Variants in ARL15 observed in about 807,000 individuals in gnomAD.
The protein encoded by ARL15 is ADP-ribosylation factor-like protein 15.
In ARL15, 19 loss-of-function variants were observed where a neutral mutation model predicts 25.2. The observed-to-expected ratio is 0.75, with a 90% CI of 0.53 to 1.10. The LOEUF (loss-of-function observed/expected upper bound fraction) is 1.10. Ranked by LOEUF, ARL15 falls within the 50% of genes least tolerant of loss-of-function variation. ARL15 has a pLI of 0.00. For missense variants in ARL15, 220 were observed against 246.0 expected, an observed-to-expected ratio of 0.89 and a Z score of 0.71; for synonymous variants, 94 against 86.8, an observed-to-expected ratio of 1.08 and a Z score of -0.46.
chr5:53,928,743 T>C, intron 4 of ARL15, among the ~76,000 whole-genome samples: 1 of 152,204 alleles, frequency 6.6e-6, no homozygotes, highest in East Asian at 1.9e-4. Flanking sequence ...GGTGATTGGT[T>C]CAAGAATATT....
intron 4 of ARL15, among the ~76,000 whole-genome samples, chr5:54,044,436 T>C (rs1430481863): frequency 1.3e-5 from 2 of 151,950 alleles, no homozygotes; most frequent in Admixed American, 6.6e-5. Flanking sequence ...GTACAGATGG[T>C]ATTTCGCCAC....
At chr5:54,119,025 G>A (rs1018489263) in intron 3 of ARL15, among the ~76,000 whole-genome samples, 1 of 152,082 alleles carries the variant, frequency 6.6e-6, no homozygotes, top group Non-Finnish European at 1.5e-5. Context: ...CAATTGCATT[G>A]AGGACCATGT....
intron 4 of ARL15, among the ~76,000 whole-genome samples, chr5:54,066,269 T>C (rs1751228175): frequency 6.6e-6 from 1 of 152,152 alleles, no homozygotes; most frequent in South Asian, 2.1e-4. Context: ...GGAAAAGAAT[T>C]CACGAGCGAC....
intron 4 of ARL15, among the ~76,000 whole-genome samples, chr5:54,081,666 A>G (rs1045483037): frequency 1.2e-4 from 18 of 152,142 alleles, no homozygotes; most frequent in Admixed American, 1.1e-3. Flanking sequence ...CTTGTGAAGA[A>G]GGTGCCTTGC....
rs1303592910 is a variant in ARL15 at position 54,180,194 on chromosome 5, C to G, written c.49-8266G>C. On this transcript the variant is annotated intron_variant, in intron 1 of 4. Coordinates refer to ENST00000504924, the MANE Select transcript of ARL15 (RefSeq NM_019087.3). ...ATCTCAATAAAGTAAAATAAATAAG[C>G]AAATACTAAATAAAATATGTTGGAG... Among the ~76,000 whole-genome samples, 4 of 151,602 alleles carry G rather than the reference C, an allele frequency of 2.6e-5. 1 individual carries two copies. The South Asian group carries it at 8.4e-4, about 32-fold the overall frequency.
chr5:53,897,131 C>T (rs180904224), intron 4 of ARL15, among the ~76,000 whole-genome samples: 4 of 152,160 alleles, frequency 2.6e-5, no homozygotes, highest in African/African-American at 4.8e-5. Context: ...TGAAAGCATA[C>T]GATTCAGTTG....
chr5:53,991,262 C>A (rs756378878), intron 4 of ARL15, among the ~76,000 whole-genome samples: 13 of 152,012 alleles, frequency 8.6e-5, no homozygotes, highest in Non-Finnish European at 1.5e-4. Context: ...TTGAAGCAGG[C>A]CATGTACGGT....
At chr5:54,184,469 AAG>A (rs1476748933) in intron 1 of ARL15, among the ~76,000 whole-genome samples, 10 of 124,846 alleles carry the variant, frequency 8.0e-5, no homozygotes, top group Non-Finnish European at 1.0e-4. Flanking sequence ...AAAAAAAAAA[AAG>A]AGAGAGAGAG....
At chr5:54,262,779 T>C (rs1415597240) in intron 1 of ARL15, among the ~76,000 whole-genome samples, 5 of 152,204 alleles carry the variant, frequency 3.3e-5, no homozygotes, top group South Asian at 2.1e-4. Context: ...AATTCACTTA[T>C]TTTTTCCCCA....
chr5:54,006,416 A>G (rs1749045603), intron 4 of ARL15, among the ~76,000 whole-genome samples: 1 of 145,410 alleles, frequency 6.9e-6, no homozygotes, highest in African/African-American at 2.6e-5. Context: ...ATACATATGC[A>G]CAACAAAAAA....
chr5:53,964,509 A>T (rs7708629), intron 4 of ARL15, among the ~76,000 whole-genome samples: 2 of 151,966 alleles, frequency 1.3e-5, no homozygotes, highest in Non-Finnish European at 2.9e-5. Context: ...ACAGGCGCCC[A>T]CCACCATGCC....
rs376311421 is a variant in ARL15, at chr5:54,285,431, G to A, written c.48+25001C>T. The A allele has an allele frequency of 1.8e-5, 11 of 595,964 alleles. 1 individual carries two copies. The highest frequency in any genetic ancestry group is 6.3e-5 in the Admixed American group (1 of 15,764). The allele number at this position is 595,964 out of a possible 1,614,324, so 36.9% of individuals were successfully genotyped here. ...TTCAACAAGATGGCAGAAAATAAAC[G>A]TTATTTACTATACAGTCCAAAAAAT... On this transcript the variant is annotated intron_variant, in intron 1 of 4. Coordinates refer to ENST00000504924, the MANE Select transcript of ARL15 (RefSeq NM_019087.3).
chr5:54,177,023 A>G (rs1754895484), intron 1 of ARL15, among the ~76,000 whole-genome samples: 1 of 152,116 alleles, frequency 6.6e-6, no homozygotes, highest in Admixed American at 6.5e-5. Context: ...TGGTAGCAGC[A>G]AATAGAGAAC....
chr5:54,151,711 CAT>C (rs1754074384), intron 3 of ARL15, among the ~76,000 whole-genome samples: 1 of 148,794 alleles, frequency 6.7e-6, no homozygotes. Context: ...TGTGTGCAAA[CAT>C]ATAGTTTGTC....
chr5:54,244,791 G>GGT (rs1310763772), intron 1 of ARL15, among the ~76,000 whole-genome samples: 1 of 100,286 alleles, frequency 1.0e-5, no homozygotes, highest in Non-Finnish European at 2.4e-5. Flanking sequence ...CAAAGAAAAA[G>GGT]GTAGCCATAA....
intron 2 of ARL15, among the ~76,000 whole-genome samples, chr5:54,166,810 C>T (rs1326608709): frequency 6.6e-6 from 1 of 152,126 alleles, no homozygotes. Flanking sequence ...AGTTCCAATT[C>T]GATGATTATT....
At chr5:53,895,450 G>T (rs979278802) in intron 4 of ARL15, among the ~76,000 whole-genome samples, 2 of 152,160 alleles carry the variant, frequency 1.3e-5, no homozygotes, top group Non-Finnish European at 2.9e-5. Context: ...GAACAAGCCA[G>T]GGCACAGGAA....
chr5:54,190,600 G>T (rs922638198), intron 1 of ARL15, among the ~76,000 whole-genome samples: 1 of 152,152 alleles, frequency 6.6e-6, no homozygotes, highest in Non-Finnish European at 1.5e-5. Flanking sequence ...GAAGACAGAA[G>T]GATGAAAAGG....
intron 4 of ARL15, among the ~76,000 whole-genome samples, chr5:53,953,451 T>C (rs891005011): frequency 3.3e-5 from 5 of 152,244 alleles, no homozygotes; most frequent in South Asian, 4.1e-4. Context: ...GAGTTGTTTG[T>C]ATATGCCCTT....
Sources: allele counts gnomAD v4.1 joint callset (sites outside exome capture counted in the v4.1 genomes callset), GRCh38; gene constraint gnomAD v4.1.1; transcripts MANE v1.5; gene names NCBI Gene and HGNC (gene_info 2026-07-23, HGNC 2026-07-21).